The following CTNNBIP1 variants were observed in gnomAD, a reference collection of about 807,000 sequenced individuals.
The protein encoded by CTNNBIP1 is beta-catenin-interacting protein 1.
A neutral mutation model predicts 11.8 loss-of-function variants in CTNNBIP1; 7 were observed. The observed-to-expected ratio is 0.60, with a 90% CI of 0.34 to 1.12. CTNNBIP1 has a LOEUF of 1.12. CTNNBIP1 is among the 50% of genes most tolerant of loss of function. The pLI is 0.03. For missense variants in CTNNBIP1, 101 were observed against 113.4 expected (o/e 0.89, Z 0.50); for synonymous variants, 58 against 43.9 (o/e 1.32, Z -1.26).
chr1:9,887,367 C>T (rs2101519565), intron 1 of CTNNBIP1, among the ~76,000 whole-genome samples: 1 of 152,358 alleles, frequency 6.6e-6, no homozygotes, highest in African/African-American at 2.4e-5. Flanking sequence ...TCTCTCCTAA[C>T]AGCCCCTTCT....
At chr1:9,856,897 G>A (rs1282661274) in intron 5 of CTNNBIP1, among the ~76,000 whole-genome samples, 1 of 151,566 alleles carries the variant, frequency 6.6e-6, no homozygotes, top group Non-Finnish European at 1.5e-5. Flanking sequence ...GCCGAGATGG[G>A]GGATCACCTG....
At chr1:9,885,936 G>GAAAAAAAAAAAAAAAAAAAAAAAAAAAA (rs775586815) in intron 1 of CTNNBIP1, among the ~76,000 whole-genome samples, 1 of 121,266 alleles carries the variant, frequency 8.2e-6, no homozygotes, top group African/African-American at 3.0e-5. Flanking sequence ...CCATCTTGAG[G>GAAAAAAAAAAAAAAAAAAAAAAAAAAAA]AAAAAAAAAA....
intron 5 of CTNNBIP1, among the ~76,000 whole-genome samples, chr1:9,863,486 T>C (rs1301479769): frequency 6.6e-6 from 1 of 152,100 alleles, no homozygotes; most frequent in Non-Finnish European, 1.5e-5. Context: ...CAGCAGATCA[T>C]CCGTGTGGCA....
chr1:9,905,306 A>C (rs1004606239), intron 1 of CTNNBIP1, among the ~76,000 whole-genome samples: 2 of 152,136 alleles, frequency 1.3e-5, no homozygotes, highest in Admixed American at 1.3e-4. Flanking sequence ...GTCCCCCTAG[A>C]TCACCATCCA....
At chr1:9,906,968 G>T (rs1442154192) in intron 1 of CTNNBIP1, among the ~76,000 whole-genome samples, 3 of 152,104 alleles carry the variant, frequency 2.0e-5, no homozygotes, top group African/African-American at 7.2e-5. Flanking sequence ...GATGAAATGG[G>T]GTAGAAACTA....
At chr1:9,856,674 C>T (rs919376936) in intron 5 of CTNNBIP1, among the ~76,000 whole-genome samples, 10 of 151,648 alleles carry the variant, frequency 6.6e-5, no homozygotes, top group Admixed American at 4.6e-4. Flanking sequence ...CCACCATGCC[C>T]GGCTAATTTT....
intron 1 of CTNNBIP1, among the ~76,000 whole-genome samples, chr1:9,909,594 G>T (rs1330153959): frequency 6.6e-6 from 1 of 152,132 alleles, no homozygotes; most frequent in African/African-American, 2.4e-5. Context: ...ATACACGCCC[G>T]CCATCCAGGT....
intron 5 of CTNNBIP1, among the ~76,000 whole-genome samples, chr1:9,856,513 CT>C (rs149518763): frequency 0.11 from 14,056 of 129,476 alleles, 1,663 homozygotes; most frequent in African/African-American, 0.32. Context: ...GTAAAAAATT[CT>C]TTTTTTTTTT....
chr1:9,891,689 C>T (rs920642398), intron 1 of CTNNBIP1, among the ~76,000 whole-genome samples: 1 of 152,054 alleles, frequency 6.6e-6, no homozygotes, highest in Admixed American at 6.6e-5. Context: ...TGCCTGTAAT[C>T]CCAGCACTTT....
chr1:9,860,259 C>A (rs1176664937), intron 5 of CTNNBIP1, among the ~76,000 whole-genome samples: 1 of 152,004 alleles, frequency 6.6e-6, no homozygotes, highest in Admixed American at 6.6e-5. Context: ...AGGGGAACTT[C>A]AGTCACAGAT....
At chr1:9,855,876 C>T (rs570709484) in intron 5 of CTNNBIP1, among the ~76,000 whole-genome samples, 83 of 152,166 alleles carry the variant, frequency 5.5e-4, no homozygotes, top group African/African-American at 1.8e-3. Context: ...CACAGGCCCA[C>T]ACTGCTACAC....
chr1:9,864,593 G>T (rs1349518710), intron 5 of CTNNBIP1, among the ~76,000 whole-genome samples: 3 of 152,176 alleles, frequency 2.0e-5, no homozygotes, highest in African/African-American at 7.2e-5. Flanking sequence ...CTCCGAAAGT[G>T]CTGAGATTAC....
At position 9,887,370 on chromosome 1, in the gene CTNNBIP1, C is replaced by A. The variant is rs771201459; in HGVS notation, c.-143-3632G>T. Among the ~76,000 whole-genome samples, 6 of 152,336 alleles carry A rather than the reference C, an allele frequency of 3.9e-5. No homozygotes were observed. In the Middle Eastern group the frequency reaches 0.01, roughly 259 times the overall value. Reference sequence around the variant, plus strand: ...CCATGCTTTCCCTCTCTCCTAACAGCCCCTTCTGGCTCAGGAGTTGACAGA... The same window carrying A: ...CCATGCTTTCCCTCTCTCCTAACAGACCCTTCTGGCTCAGGAGTTGACAGA... On this transcript the variant is annotated intron_variant, in intron 1 of 5. Transcript: ENST00000377263.
rs192775045 is a variant in CTNNBIP1 at position 9,879,627 on chromosome 1, G to C, written c.-109-1638C>G. 8.5e-5 allele frequency among the ~76,000 whole-genome samples: 13 copies of C among 152,264 alleles called. No individual in the cohort carries two copies. In the East Asian group the frequency reaches 2.5e-3, roughly 29 times the overall value. On this transcript the variant is annotated intron_variant, in intron 2 of 5. Coordinates refer to ENST00000377263, the MANE Select transcript of CTNNBIP1 (RefSeq NM_020248.3). Reference sequence around the variant, plus strand: ...AATTAATTGCTCTTTTATTCCTCTAGATATCAAAGCACCAAAATACCAAGG... The same window carrying C: ...AATTAATTGCTCTTTTATTCCTCTACATATCAAAGCACCAAAATACCAAGG...
intron 2 of CTNNBIP1, among the ~76,000 whole-genome samples, chr1:9,879,113 G>C: frequency 6.6e-6 from 1 of 152,088 alleles, no homozygotes; most frequent in East Asian, 1.9e-4. Context: ...AGGAGAATCG[G>C]TTGAACCTGG....
intron 1 of CTNNBIP1, among the ~76,000 whole-genome samples, chr1:9,888,696 C>T (rs1190143313): frequency 6.6e-6 from 1 of 152,188 alleles, no homozygotes; most frequent in Admixed American, 6.5e-5. Flanking sequence ...GCCATGAAGC[C>T]CAAATGCAGG....
chr1:9,855,561 A>G (rs1030954369), intron 5 of CTNNBIP1, among the ~76,000 whole-genome samples: 1 of 152,132 alleles, frequency 6.6e-6, no homozygotes, highest in Non-Finnish European at 1.5e-5. Context: ...GTGTGGTGGG[A>G]CAACTGGATA....
chr1:9,908,227 T>G (rs1639656687), intron 1 of CTNNBIP1, among the ~76,000 whole-genome samples: 2 of 151,792 alleles, frequency 1.3e-5, no homozygotes, highest in South Asian at 4.2e-4. Context: ...CTCAGCTAAT[T>G]TTTGTATTTT....
chr1:9,885,017 G>A (rs1639156504), intron 1 of CTNNBIP1, among the ~76,000 whole-genome samples: 1 of 152,156 alleles, frequency 6.6e-6, no homozygotes, highest in African/African-American at 2.4e-5. Context: ...GGTCTGACTC[G>A]GGGTCCAGCA....
Sources: gnomAD v4.1 joint callset for allele counts (sites outside exome capture counted in the v4.1 genomes callset) on GRCh38, gnomAD v4.1.1 for gene constraint, MANE v1.5 for transcripts, NCBI Gene and HGNC (gene_info 2026-07-23, HGNC 2026-07-21) for gene names.